EPB41L4A: variants seen among roughly 807,000 people sequenced by gnomAD.
EPB41L4A encodes erythrocyte membrane protein band 4.1 like 4A, also known as band 4.1-like protein 4A.
Under a neutral mutation model 108.6 loss-of-function variants are expected in EPB41L4A, and 100 were observed. That is an observed-to-expected ratio of 0.92 (90% CI 0.78 to 1.09). The LOEUF (loss-of-function observed/expected upper bound fraction) is 1.09, where lower values mean the gene tolerates loss of function less well. Ranked by LOEUF, EPB41L4A falls within the 50% of genes least tolerant of loss-of-function variation. The pLI, the probability that EPB41L4A is intolerant of heterozygous loss-of-function variation, is 0.00. For synonymous variants in EPB41L4A, 319 were observed against 289.0 expected (o/e 1.10, Z -1.05); for missense variants, 1,030 against 842.7 (o/e 1.22, Z -2.75).
At chr5:112,300,851 T>A (rs1035311400) in intron 2 of EPB41L4A, among the ~76,000 whole-genome samples, 13 of 152,182 alleles carry the variant, frequency 8.5e-5, no homozygotes, top group African/African-American at 3.1e-4. Flanking sequence ...TTAATGCTTT[T>A]TTCTTAGTCT....
At chr5:112,259,374 G>C (rs2150436323) in intron 8 of EPB41L4A, 82 bp from the exon 9 acceptor site, 1 of 1,142,540 alleles carries the variant, frequency 8.8e-7, no homozygotes, top group East Asian at 2.3e-5. Context: ...AGTGGAAAAA[G>C]ACTGGTGAAT....
chr5:112,161,655 T>C (rs2150179199), downstream of EPB41L4A: 2 of 517,672 alleles, frequency 3.9e-6, no homozygotes, highest in South Asian at 2.8e-5. Context: ...TTGACCCTGC[T>C]AGCCTTAAGT....
chr5:112,367,762 G>A (rs183259754), intron 1 of EPB41L4A, among the ~76,000 whole-genome samples: 2 of 152,096 alleles, frequency 1.3e-5, no homozygotes, highest in Non-Finnish European at 2.9e-5. Context: ...AAAGGTTGAA[G>A]AATCACAGGA....
intron 1 of EPB41L4A, among the ~76,000 whole-genome samples, chr5:112,372,281 C>G (rs1032205546): frequency 2.6e-5 from 4 of 152,092 alleles, no homozygotes; most frequent in African/African-American, 9.7e-5. Flanking sequence ...ATGCCAGATG[C>G]TTATAAAACC....
chr5:112,177,286 C>G (rs900632914), intron 18 of EPB41L4A, among the ~76,000 whole-genome samples: 1 of 152,172 alleles, frequency 6.6e-6, no homozygotes, highest in Non-Finnish European at 1.5e-5. Context: ...GCCTTTTCCT[C>G]TATTTTCAAA....
At chr5:112,306,168 T>A (rs896812131) in intron 2 of EPB41L4A, among the ~76,000 whole-genome samples, 1 of 152,100 alleles carries the variant, frequency 6.6e-6, no homozygotes, top group East Asian at 1.9e-4. Flanking sequence ...AGGAAAAAAA[T>A]GTTATTTCAA....
At chr5:112,352,357 C>T (rs7716394) in intron 1 of EPB41L4A, among the ~76,000 whole-genome samples, 31,632 of 152,144 alleles carry the variant, frequency 0.21, 3,935 homozygotes, top group African/African-American at 0.35. Context: ...AATTTCCCCA[C>T]TGACCCAATG....
intron 1 of EPB41L4A, among the ~76,000 whole-genome samples, chr5:112,413,453 G>A (rs1438496582): frequency 2.6e-5 from 4 of 152,184 alleles, no homozygotes; most frequent in Admixed American, 6.5e-5. Context: ...TATTCCAGCT[G>A]TAACACTCCA....
At chr5:112,156,510 A>G (rs767977471) in intron 12 of EPB41L4A, among the ~76,000 whole-genome samples, 1 of 152,134 alleles carries the variant, frequency 6.6e-6, no homozygotes, top group African/African-American at 2.4e-5. Context: ...TTTTTGTTCT[A>G]TTGAGGCCCT....
chr5:112,374,395 A>G (rs1447476731), intron 1 of EPB41L4A, among the ~76,000 whole-genome samples: 3 of 152,252 alleles, frequency 2.0e-5, no homozygotes, highest in Admixed American at 6.5e-5. Context: ...ATTATAAGAA[A>G]TATCTATAGT....
chr5:112,412,229 A>T (rs1762455346), intron 1 of EPB41L4A, among the ~76,000 whole-genome samples: 1 of 152,118 alleles, frequency 6.6e-6, no homozygotes, highest in South Asian at 2.1e-4. Flanking sequence ...TCTTGTTCTA[A>T]CTTCCTCTTG....
chr5:112,148,046 A>G (rs1759328400), intron 12 of EPB41L4A, among the ~76,000 whole-genome samples: 1 of 150,970 alleles, frequency 6.6e-6, no homozygotes, highest in Non-Finnish European at 1.5e-5. Flanking sequence ...AAATAAATTA[A>G]AAAATAAACG....
chr5:112,403,418 CAGA>C (rs1161722491), intron 1 of EPB41L4A, among the ~76,000 whole-genome samples: 6 of 150,622 alleles, frequency 4.0e-5, no homozygotes, highest in Non-Finnish European at 5.9e-5. Flanking sequence ...CTGAAATTAA[CAGA>C]AGAACTGTAA....
At chr5:112,223,309 G>A (rs957902696) in intron 12 of EPB41L4A, among the ~76,000 whole-genome samples, 8 of 152,004 alleles carry the variant, frequency 5.3e-5, no homozygotes, top group African/African-American at 1.7e-4. Context: ...CCTGAACTCT[G>A]AGAACCCCCA....
At chr5:112,176,840 C>T (rs146843281) in intron 18 of EPB41L4A, among the ~76,000 whole-genome samples, 1,795 of 150,200 alleles carry the variant, frequency 0.012, 40 homozygotes, top group African/African-American at 0.041. Context: ...CTGCAACCTC[C>T]GCCTCCCAGC....
At chr5:112,197,165 A>C (rs1483824218) in intron 15 of EPB41L4A, among the ~76,000 whole-genome samples, 1 of 152,066 alleles carries the variant, frequency 6.6e-6, no homozygotes, top group Non-Finnish European at 1.5e-5. Context: ...CAAGCTATTA[A>C]CTTTTTCAAG....
chr5:112,403,909 C>T (rs913503383), intron 1 of EPB41L4A, among the ~76,000 whole-genome samples: 5 of 152,124 alleles, frequency 3.3e-5, no homozygotes, highest in East Asian at 1.9e-4. Flanking sequence ...TTTTCAGCTA[C>T]GACCTCCAAA....
At chr5:112,314,017 C>T in intron 1 of EPB41L4A, among the ~76,000 whole-genome samples, 1 of 151,910 alleles carries the variant, frequency 6.6e-6, no homozygotes, top group Non-Finnish European at 1.5e-5. Context: ...GTGCCCACCA[C>T]CATGCCCGGC....
At chr5:112,367,490 A>G (rs1485455653) in intron 1 of EPB41L4A, among the ~76,000 whole-genome samples, 1 of 152,074 alleles carries the variant, frequency 6.6e-6, no homozygotes, top group Non-Finnish European at 1.5e-5. Flanking sequence ...TGGAGGCCTC[A>G]TCTCCTCTCC....
Sources: allele counts gnomAD v4.1 joint callset (sites outside exome capture counted in the v4.1 genomes callset), GRCh38; gene constraint gnomAD v4.1.1; transcripts MANE v1.5; gene names NCBI Gene and HGNC (gene_info 2026-07-23, HGNC 2026-07-21).